The following CSF3R variants were observed in gnomAD, a reference collection of about 807,000 sequenced individuals.
The protein encoded by CSF3R is granulocyte colony-stimulating factor receptor.
A neutral mutation model predicts 84.4 loss-of-function variants in CSF3R; 52 were observed. The observed-to-expected ratio is 0.62, with a 90% confidence interval of 0.49 to 0.78. CSF3R has a LOEUF of 0.78. Among genes scored for constraint, CSF3R ranks in the 30% least tolerant of loss-of-function variants. CSF3R has a pLI of 0.00. For synonymous variants in CSF3R, 384 were observed against 429.1 expected (o/e 0.89, Z 1.30); for missense variants, 890 against 1,055.7 (o/e 0.84, Z 2.17).
rs1650393181 is a variant in CSF3R at position 36,467,371 on chromosome 1, G to A, written c.1959-60C>T. On this transcript the variant is annotated intron_variant, in intron 15 of 16. Transcript: ENST00000373106. The surrounding 1 kb of genome is among the most constrained non-coding windows in gnomAD (Gnocchi z 4.1). Reference sequence around the variant, plus strand: ...ACACCCTCCGATCTTTCCATTTTTTGTCCCACCCACCCCACCTGAAGAGGT... The same window carrying A: ...ACACCCTCCGATCTTTCCATTTTTTATCCCACCCACCCCACCTGAAGAGGT... 2.6e-6 allele frequency: 4 copies of A among 1,566,960 alleles called. No individual in the cohort carries two copies. The South Asian group carries it at 4.4e-5, about 17-fold the overall frequency.
Position 36,479,505 on chromosome 1 carries a change from C to T in CSF3R, c.-9G>A. The T allele has an allele frequency of 6.2e-7, 1 of 1,614,078 alleles. No individual in the cohort carries two copies. Among genetic ancestry groups the T allele is most frequent in the Non-Finnish European group, 8.5e-7 (1 of 1,179,904 alleles). ...TTTCCCAGCCTTGCCATAGCACCAA[C>T]TTGATGTTCACCTGTAGGCAGAAGG... On this transcript the variant is annotated 5_prime_UTR_variant, in exon 3 of 17. Coordinates refer to ENST00000373106, the MANE Select transcript of CSF3R (RefSeq NM_000760.4).
At position 36,472,322 on chromosome 1, in the gene CSF3R, G is replaced by C. The variant is rs757390050; in HGVS notation, c.913C>G (p.Leu305Val). ...GGCCAGCGGATGCAGCGTATCTGCA[G>C]GGTGTAGGCCGTGGCTGGGAGGAGC... ...CGLLPATAYTLQIRCIRWPLP... is the reference protein window; with the variant it reads ...CGLLPATAYTVQIRCIRWPLP... The change falls in exon 8 of 17, where the codon CTG (leucine) becomes GTG (valine). Residue 305 changes from leucine (L) to valine (V), a missense_variant. Transcript: ENST00000373106. This position sits in a 1 kb window ranked among gnomAD's most constrained non-coding sequence, Gnocchi z 5.0. 1.9e-6 allele frequency: 3 copies of C among 1,614,110 alleles called. No homozygotes were observed. The highest frequency in any genetic ancestry group is 2.5e-6 in the Non-Finnish European group (3 of 1,180,040).
intron 4 of CSF3R, among the ~76,000 whole-genome samples, chr1:36,474,973 G>C (rs3917960): frequency 0.2 from 30,423 of 151,816 alleles, 3,237 homozygotes; most frequent in East Asian, 0.31. Context: ...GTGCTTATTA[G>C]ATAAGAGCTC....
intron 3 of CSF3R, 32 bp from the exon 4 acceptor site, chr1:36,475,705 G>A (rs781664903): frequency 4.8e-5 from 76 of 1,593,024 alleles, no homozygotes; most frequent in Non-Finnish European, 6.5e-5. Context: ...CAGGAACGAC[G>A]CCTCTGCCTA....
chr1:36,478,341 C>A (rs1651295579), intron 3 of CSF3R, among the ~76,000 whole-genome samples: 1 of 151,694 alleles, frequency 6.6e-6, no homozygotes, highest in Non-Finnish European at 1.5e-5. Flanking sequence ...CCAGCCTGGC[C>A]AACATGGTGA....
chr1:36,483,216 G>C (rs1304262310), upstream of CSF3R: 1 of 152,258 alleles, frequency 6.6e-6, no homozygotes, highest in African/African-American at 2.4e-5. Flanking sequence ...CCCCTGCCCT[G>C]GGGGAGCATC....
intron 6 of CSF3R, 178 bp downstream of exon 6, chr1:36,473,256 GT>G: frequency 1.5e-6 from 1 of 667,254 alleles, no homozygotes; most frequent in Non-Finnish European, 2.5e-6. Flanking sequence ...CTGTCTCTGG[GT>G]CTGTGTCCCC....
At chr1:36,468,440 G>A (rs1449840056) in intron 12 of CSF3R, 5 of 475,888 alleles carry the variant, frequency 1.1e-5, no homozygotes, top group East Asian at 3.3e-5. Flanking sequence ...TGACTCTAAA[G>A]CCTCACTTTC....
In CSF3R at chr1:36,466,072, A is replaced by G; in HGVS notation, c.*285T>C. The G allele has an allele frequency of 1.2e-6, 2 of 1,614,126 alleles. No homozygotes were observed. Among genetic ancestry groups the G allele is most frequent in the Admixed American group, 1.7e-5 (1 of 60,026 alleles). ...CCCAAGAGTGTCTATAAACAACAAC[A>G]AAAACTGCAAACCAAAAACTAGTTT... is the stretch of plus-strand genomic sequence containing the variant. On this transcript the variant is annotated 3_prime_UTR_variant, in exon 17 of 17. Coordinates refer to ENST00000373106, the MANE Select transcript of CSF3R (RefSeq NM_000760.4). This position sits in a 1 kb window ranked among gnomAD's most constrained non-coding sequence, Gnocchi z 4.6.
In CSF3R at chr1:36,472,189, C is replaced by T. The variant is rs771506054; in HGVS notation, c.997+49G>A. The stretch of plus-strand genomic sequence containing the variant: ...GTGCCAGTTGGGGAGGGGCCTGGGG[C>T]CTGGACTGGATACTGTTGGCTGCTC... On this transcript the variant is annotated intron_variant, in intron 8 of 16. Coordinates refer to ENST00000373106, the MANE Select transcript of CSF3R (RefSeq NM_000760.4). This position sits in a 1 kb window ranked among gnomAD's most constrained non-coding sequence, Gnocchi z 5.0. The T allele has an allele frequency of 3.1e-6, 5 of 1,613,798 alleles. No individual in the cohort carries two copies. Among genetic ancestry groups the T allele is most frequent in the Non-Finnish European group, 3.4e-6 (4 of 1,179,924 alleles).
chr1:36,468,138 G>A lies in CSF3R; in HGVS notation c.1660C>T (p.Leu554=). Residue 554 remains leucine (L), a synonymous_variant, in exon 13 of 17, where the codon CTG becomes TTG. Coordinates refer to ENST00000373106, the MANE Select transcript of CSF3R (RefSeq NM_000760.4). ...QLEWVPEPPE[L]GKSPLTHYTI... ...TAGTGGGTAAGGGGGCTCTTCCCCA[G>A]CTCAGGGGGCTCAGGCACCCACTCC... The A allele has an allele frequency of 6.2e-7, 1 of 1,613,864 alleles. No individual in the cohort carries two copies. The highest frequency in any genetic ancestry group is 8.5e-7 in the Non-Finnish European group (1 of 1,179,830).
At chr1:36,469,581 C>T (rs748269112) in intron 11 of CSF3R, 71 bp downstream of exon 11, 265 of 1,568,404 alleles carry the variant, frequency 1.7e-4, no homozygotes, top group Non-Finnish European at 2.2e-4. Context: ...CAGGTTGTCC[C>T]ATGCCTATTG....
rs142815414 is a variant in CSF3R, at chr1:36,466,466, A to G, written c.2402T>C (p.Val801Ala). ...GTCCTCCTGGCTTGGGGCTGGGGTT[A>G]CCAGGGTCCCCAAGGGGCTGGCCTG... ...WFQASPLGTLVTPAPSQEDDC... is the reference protein window; with the variant it reads ...WFQASPLGTLATPAPSQEDDC... The change falls in exon 17 of 17, where the codon GTA becomes GCA. Residue 801 changes from valine to alanine, a missense_variant. By Grantham distance (64) the Val-to-Ala change is moderately conservative (BLOSUM62 0). Transcript: ENST00000373106. This position sits in a 1 kb window ranked among gnomAD's most constrained non-coding sequence, Gnocchi z 4.6. The G allele has an allele frequency of 6.8e-6, 11 of 1,611,878 alleles. No individual in the cohort carries two copies. The highest frequency in any genetic ancestry group is 9.3e-6 in the Non-Finnish European group (11 of 1,179,178).
intron 12 of CSF3R, chr1:36,468,831 G>A (rs970953575): frequency 4.0e-5 from 14 of 351,352 alleles, no homozygotes; most frequent in Non-Finnish European, 7.7e-5. Flanking sequence ...AGAGTGTTAG[G>A]ATTACAGGTG....
At chr1:36,475,736 A>T (rs1651103697) in intron 3 of CSF3R, 63 bp from the exon 4 acceptor site, 1 of 1,519,802 alleles carries the variant, frequency 6.6e-7, no homozygotes, top group Non-Finnish European at 8.9e-7. Context: ...GCTATAATCT[A>T]GGCCTTTGTA....
chr1:36,471,340 C>T, intron 10 of CSF3R, 93 bp downstream of exon 10: 1 of 1,293,536 alleles, frequency 7.7e-7, no homozygotes, highest in East Asian at 2.3e-5. Flanking sequence ...AGCCACTGCG[C>T]CCGGCCAATA....
At position 36,467,392 on chromosome 1, in the gene CSF3R, G is replaced by A; in HGVS notation, c.1959-81C>T. On this transcript the variant is annotated intron_variant, in intron 15 of 16. Transcript: ENST00000373106. This position sits in a 1 kb window ranked among gnomAD's most constrained non-coding sequence, Gnocchi z 4.1. ...TTTTGTCCCACCCACCCCACCTGAA[G>A]AGGTGCAGCTGCCCTTAGTGCAGAG... The A allele has an allele frequency of 6.8e-7, 1 of 1,477,426 alleles. No homozygotes were observed. Among genetic ancestry groups the A allele is most frequent in the East Asian group, 2.3e-5 (1 of 44,262 alleles). 91.5% of individuals were successfully genotyped at this position (1,477,426 alleles called of 1,614,324 possible).
At chr1:36,470,644 T>C (rs1031967111) in intron 10 of CSF3R, among the ~76,000 whole-genome samples, 1 of 152,228 alleles carries the variant, frequency 6.6e-6, no homozygotes, top group African/African-American at 2.4e-5. Flanking sequence ...CTATGATTAT[T>C]GTTATTGTGA....
chr1:36,473,043 T>G, intron 6 of CSF3R: 2 of 394,620 alleles, frequency 5.1e-6, no homozygotes, highest in Non-Finnish European at 4.6e-6. Context: ...CTCTATGCCC[T>G]TCTCCTCCTT....
Sources: gnomAD v4.1 joint callset for allele counts (sites outside exome capture counted in the v4.1 genomes callset) on GRCh38, gnomAD v4.1.1 for gene constraint, Gnocchi (gnomAD v3.1) non-coding constraint, MANE v1.5 for transcripts, NCBI Gene and HGNC (gene_info 2026-07-23, HGNC 2026-07-21) for gene names.